Variants in CELF1 observed in about 807,000 individuals in gnomAD.
The protein encoded by CELF1 is CUGBP Elav-like family member 1, also known as 50 kDa nuclear polyadenylated RNA-binding protein.
In CELF1, 10 loss-of-function variants were observed where a neutral mutation model predicts 61.8. The observed-to-expected ratio is 0.16, with a 90% CI of 0.10 to 0.27. The LOEUF (loss-of-function observed/expected upper bound fraction) is 0.27. Among genes scored for constraint, CELF1 ranks in the 10% least tolerant of loss-of-function variants. The probability of loss-of-function intolerance (pLI) is 1.00; values close to 1 mark genes in which losing one functional copy is unlikely to be tolerated. For missense variants in CELF1, 380 were observed against 639.1 expected, an observed-to-expected ratio of 0.59 and a Z score of 4.37; for synonymous variants, 236 against 225.1, an observed-to-expected ratio of 1.05 and a Z score of -0.43.
chr11:47,499,600 G>A lies in CELF1; in HGVS notation c.-77C>T, dbSNP rs2093640489. On this transcript the variant is annotated 5_prime_UTR_variant, in exon 3 of 15. Transcript: ENST00000687097. ...TGATCCACAAATACACACAGCTTTAGCTTCCTGGGCCCCACAAAAAACACA... is the reference window on the plus strand; with the variant it reads ...TGATCCACAAATACACACAGCTTTAACTTCCTGGGCCCCACAAAAAACACA... 2.5e-6 allele frequency: 3 copies of A among 1,186,072 alleles called. No individual in the cohort carries two copies. The highest frequency in any genetic ancestry group is 4.3e-5 in the Admixed American group (2 of 46,038). The allele number at this position is 1,186,072 out of a possible 1,614,324, so 73.5% of individuals were successfully genotyped here.
At chr11:47,542,536 TG>T (rs2096835911) in intron 1 of CELF1, among the ~76,000 whole-genome samples, 1 of 150,778 alleles carries the variant, frequency 6.6e-6, no homozygotes, top group Admixed American at 6.6e-5. Flanking sequence ...GTCTCCCTGT[TG>T]CCCAGGCTGG....
intron 1 of CELF1, among the ~76,000 whole-genome samples, chr11:47,550,390 G>A (rs1389364263): frequency 6.6e-6 from 1 of 152,086 alleles, no homozygotes; most frequent in African/African-American, 2.4e-5. Flanking sequence ...AACCCTCTGG[G>A]CGCAGTGGTG....
intron 1 of CELF1, among the ~76,000 whole-genome samples, chr11:47,532,497 AT>A (rs2096509916): frequency 6.6e-6 from 1 of 152,232 alleles, no homozygotes; most frequent in Non-Finnish European, 1.5e-5. Context: ...TGTAGAAGGG[AT>A]TCCTTCCATG....
intron 1 of CELF1, among the ~76,000 whole-genome samples, chr11:47,508,576 AAAAAAAAAAACCCAAAAGAAC>A: frequency 6.6e-6 from 1 of 151,556 alleles, no homozygotes. Flanking sequence ...CTTTAAAAAA[AAAAAAAAAAACCCAAAAGAAC>A]AAAAAAACAA....
chr11:47,517,117 C>T (rs1565872024), intron 1 of CELF1, among the ~76,000 whole-genome samples: 2 of 151,758 alleles, frequency 1.3e-5, no homozygotes, highest in South Asian at 2.1e-4. Context: ...TGTGGTGGCA[C>T]GTGCCTGTAG....
chr11:47,511,118 C>G (rs900267932), intron 1 of CELF1, among the ~76,000 whole-genome samples: 5 of 152,004 alleles, frequency 3.3e-5, no homozygotes, highest in African/African-American at 1.2e-4. Flanking sequence ...GCCCAGAGGT[C>G]GAGGCTGCAG....
intron 1 of CELF1, among the ~76,000 whole-genome samples, chr11:47,509,719 C>T (rs937115077): frequency 4.7e-4 from 72 of 151,814 alleles, no homozygotes; most frequent in African/African-American, 1.7e-3. Flanking sequence ...GAGGAAACAC[C>T]GTCTCTACTA....
intron 1 of CELF1, among the ~76,000 whole-genome samples, chr11:47,552,635 G>A (rs1286493079): frequency 6.6e-6 from 1 of 152,224 alleles, no homozygotes; most frequent in Non-Finnish European, 1.5e-5. Context: ...GTCCAGCACG[G>A]CAGCCAGAAA....
intron 1 of CELF1, among the ~76,000 whole-genome samples, chr11:47,541,756 ACG>A (rs1358298980): frequency 7.7e-4 from 7 of 9,130 alleles, no homozygotes; most frequent in African/African-American, 1.7e-3. Context: ...GAAAGAAAGA[ACG>A]AAAGAAAGAA....
At chr11:47,554,176 C>T (rs2153787782), upstream of CELF1, among the ~76,000 whole-genome samples, 1 of 152,206 alleles carries the variant, frequency 6.6e-6, no homozygotes. Flanking sequence ...GGGTTTTCCT[C>T]TTTCGCCTTT....
At chr11:47,541,517 C>T (rs1052344425) in intron 1 of CELF1, among the ~76,000 whole-genome samples, 5 of 151,336 alleles carry the variant, frequency 3.3e-5, no homozygotes, top group Non-Finnish European at 7.4e-5. Context: ...ATGGTGAAAC[C>T]CCGTCTCTAC....
chr11:47,540,342 A>G (rs1004826546), intron 1 of CELF1, among the ~76,000 whole-genome samples: 9 of 152,220 alleles, frequency 5.9e-5, no homozygotes, highest in African/African-American at 1.7e-4. Flanking sequence ...CTCTTGCTCT[A>G]GCCATCTAGG....
intron 6 of CELF1, among the ~76,000 whole-genome samples, chr11:47,484,873 T>C (rs2085689424): frequency 6.6e-6 from 1 of 152,170 alleles, no homozygotes; most frequent in Non-Finnish European, 1.5e-5. Flanking sequence ...AGATGGGGTT[T>C]CTCCATGTTG....
chr11:47,477,084 T>C, intron 11 of CELF1, 125 bp from the exon 12 acceptor site: 1 of 926,880 alleles, frequency 1.1e-6, no homozygotes. Context: ...CTAACAACTG[T>C]CCTTGCAGGA....
At chr11:47,545,867 C>CTGTGTGTGTGTGTGTG (rs761587800) in intron 1 of CELF1, among the ~76,000 whole-genome samples, 3 of 121,616 alleles carry the variant, frequency 2.5e-5, no homozygotes, top group East Asian at 2.7e-4. Flanking sequence ...GTGTGTGTGT[C>CTGTGTGTGTGTGTGTG]TGCGTGTGTG....
At chr11:47,551,392 G>A (rs1392376587) in intron 1 of CELF1, among the ~76,000 whole-genome samples, 1 of 152,176 alleles carries the variant, frequency 6.6e-6, no homozygotes, top group Non-Finnish European at 1.5e-5. Flanking sequence ...CAACAGTGCT[G>A]CTTCAATCTT....
chr11:47,558,500 T>C (rs1402262798), intron 2 of CELF1, among the ~76,000 whole-genome samples: 2 of 116,168 alleles, frequency 1.7e-5, no homozygotes, highest in African/African-American at 8.7e-5. Context: ...TTTAATATAT[T>C]ATATTATATA....
chr11:47,479,346 G>GGTCC (rs1157565379), intron 9 of CELF1, among the ~76,000 whole-genome samples: 2 of 152,162 alleles, frequency 1.3e-5, no homozygotes, highest in Admixed American at 6.5e-5. Flanking sequence ...TCCTTAGTTA[G>GGTCC]GTCCACACAT....
intron 1 of CELF1, among the ~76,000 whole-genome samples, chr11:47,541,572 C>A (rs1194480612): frequency 6.6e-6 from 1 of 151,366 alleles, no homozygotes; most frequent in East Asian, 1.9e-4. Context: ...TGCCTATAAT[C>A]CCAGCAACTT....
Sources: allele counts gnomAD v4.1 joint callset (sites outside exome capture counted in the v4.1 genomes callset), GRCh38; gene constraint gnomAD v4.1.1; transcripts MANE v1.5; gene names NCBI Gene and HGNC (gene_info 2026-07-23, HGNC 2026-07-21).